Variants in MAP3K20 observed in about 807,000 individuals in gnomAD.
MAP3K20 encodes mitogen-activated protein kinase kinase kinase 20.
MAP3K20 carries 40 observed loss-of-function variants against 85.7 expected under a neutral mutation model. The ratio of observed to expected loss-of-function variants is 0.47; its 90% confidence interval spans 0.36 to 0.61. The LOEUF (loss-of-function observed/expected upper bound fraction) is 0.61. Ranked by LOEUF, MAP3K20 falls within the 20% of genes least tolerant of loss-of-function variation. MAP3K20 has a pLI of 0.00. For synonymous variants in MAP3K20, 325 were observed against 327.7 expected (o/e 0.99, Z 0.09); for missense variants, 817 against 961.7 (o/e 0.85, Z 1.99).
Position 173,266,767 on chromosome 2 carries a change from G to C in MAP3K20, c.*17G>C. On this transcript the variant is annotated 3_prime_UTR_variant, in exon 20 of 20. Coordinates refer to ENST00000375213, the MANE Select transcript of MAP3K20 (RefSeq NM_016653.3). Reference sequence around the variant, plus strand: ...AACTTTTGATGAATTGAACTACATAGCTTTTCTAAGCAGGTTAAAAAAAAA... The same window carrying C: ...AACTTTTGATGAATTGAACTACATACCTTTTCTAAGCAGGTTAAAAAAAAA... The C allele has an allele frequency of 8.6e-7, 1 of 1,158,186 alleles. No homozygotes were observed. The highest frequency in any genetic ancestry group is 1.2e-6 in the Non-Finnish European group (1 of 864,896). The allele number at this position is 1,158,186 out of a possible 1,614,324, so 71.7% of individuals were successfully genotyped here.
At chr2:173,131,734 G>A (rs1394915047) in intron 2 of MAP3K20, among the ~76,000 whole-genome samples, 1 of 152,198 alleles carries the variant, frequency 6.6e-6, no homozygotes, top group Non-Finnish European at 1.5e-5. Flanking sequence ...AGTTCTCTAA[G>A]GGTCTGCTCA....
At chr2:173,134,412 A>ATTTTTTT (rs1559246011) in intron 2 of MAP3K20, among the ~76,000 whole-genome samples, 2 of 5,656 alleles carry the variant, frequency 3.5e-4, no homozygotes, top group African/African-American at 5.8e-4. Context: ...ATATATATAT[A>ATTTTTTT]TATATATATA....
rs770373197 is a variant in MAP3K20 at position 173,191,033 on chromosome 2, T to C, written c.445-7T>C. On this transcript the variant is annotated splice_region_variant and splice_polypyrimidine_tract_variant and intron_variant, in intron 6 of 19. Coordinates refer to ENST00000375213, the MANE Select transcript of MAP3K20 (RefSeq NM_016653.3). ...TAGAAAGTTGACACTGATTCCTGTT[T>C]TCTCAGATCTGTGACTTTGGTGCCT... The C allele has an allele frequency of 1.2e-6, 2 of 1,613,416 alleles. No individual in the cohort carries two copies. Among genetic ancestry groups the C allele is most frequent in the African/African-American group, 2.7e-5 (2 of 74,908 alleles).
At chr2:173,255,252 G>T (rs1267713491) in intron 16 of MAP3K20, among the ~76,000 whole-genome samples, 3 of 152,142 alleles carry the variant, frequency 2.0e-5, no homozygotes, top group African/African-American at 7.2e-5. Context: ...CGAAATCTCT[G>T]GTCCTTCTTC....
In MAP3K20 at chr2:173,142,333, G is replaced by A. The variant is rs1438771221; in HGVS notation, c.160-27472G>A. On this transcript the variant is annotated intron_variant, in intron 2 of 19. Transcript: ENST00000375213. ...TAAAAATACCAAAAATAAGCCCGGCGTGGTGGTGGGTGCCTGTAGTCCCAC... is the reference window on the plus strand; with the variant it reads ...TAAAAATACCAAAAATAAGCCCGGCATGGTGGTGGGTGCCTGTAGTCCCAC... 3.3e-5 allele frequency among the ~76,000 whole-genome samples: 5 copies of A among 152,198 alleles called. No homozygotes were observed. In the South Asian group the frequency reaches 6.2e-4, roughly 19 times the overall value.
chr2:173,149,298 C>G (rs961745925), intron 2 of MAP3K20, among the ~76,000 whole-genome samples: 5 of 152,092 alleles, frequency 3.3e-5, no homozygotes, highest in African/African-American at 1.2e-4. Context: ...AGAGACATGA[C>G]AACTAAATGC....
chr2:173,093,285 C>G (rs1043740522), intron 2 of MAP3K20, among the ~76,000 whole-genome samples: 3 of 152,160 alleles, frequency 2.0e-5, no homozygotes, highest in Admixed American at 1.3e-4. Context: ...GATCCAGTTC[C>G]ATGTCACTTG....
At chr2:173,076,774 C>A (rs1686875386) in intron 1 of MAP3K20, among the ~76,000 whole-genome samples, 1 of 152,230 alleles carries the variant, frequency 6.6e-6, no homozygotes, top group Admixed American at 6.5e-5. Flanking sequence ...CCTTTGGCGA[C>A]CCTCAGGCAG....
chr2:173,109,130 C>G (rs1045813083), intron 2 of MAP3K20, among the ~76,000 whole-genome samples: 1 of 152,186 alleles, frequency 6.6e-6, no homozygotes, highest in Non-Finnish European at 1.5e-5. Flanking sequence ...TCATGAAGCT[C>G]AGCAGATACG....
intron 19 of MAP3K20, among the ~76,000 whole-genome samples, chr2:173,264,918 A>C (rs989851678): frequency 6.6e-6 from 1 of 152,192 alleles, no homozygotes; most frequent in African/African-American, 2.4e-5. Context: ...CAGTGTTGCA[A>C]GATGAAACAG....
chr2:173,195,101 A>T (rs1379684409), intron 7 of MAP3K20, among the ~76,000 whole-genome samples: 3 of 150,842 alleles, frequency 2.0e-5, no homozygotes, highest in Non-Finnish European at 4.4e-5. Flanking sequence ...AACCTGGAAG[A>T]GTGTTTAGTA....
intron 15 of MAP3K20, 92 bp downstream of exon 15, chr2:173,238,527 G>A: frequency 8.3e-7 from 1 of 1,200,100 alleles, no homozygotes; most frequent in South Asian, 1.4e-5. Flanking sequence ...TGTCAGTAAT[G>A]GTTGTTTGAA....
intron 11 of MAP3K20, chr2:173,225,142 C>T: frequency 1.0e-6 from 1 of 984,818 alleles, no homozygotes. Context: ...CCTCCCTAGT[C>T]ATTCTCAACT....
intron 11 of MAP3K20, chr2:173,222,963 G>A: frequency 1.0e-6 from 1 of 985,376 alleles, no homozygotes; most frequent in South Asian, 4.7e-5. Context: ...TTATTTGACT[G>A]TTAAACCAAA....
At chr2:173,170,960 G>A (rs1475047949) in intron 3 of MAP3K20, among the ~76,000 whole-genome samples, 1 of 152,186 alleles carries the variant, frequency 6.6e-6, no homozygotes, top group Non-Finnish European at 1.5e-5. Flanking sequence ...CATGGTTACT[G>A]TTATACCATC....
intron 2 of MAP3K20, among the ~76,000 whole-genome samples, chr2:173,095,867 G>C (rs892210531): frequency 6.6e-6 from 1 of 152,140 alleles, no homozygotes; most frequent in Non-Finnish European, 1.5e-5. Flanking sequence ...TTTTGTGTCT[G>C]TATGGTGCTT....
chr2:173,076,167 C>CCGG (rs1050164462), intron 1 of MAP3K20, among the ~76,000 whole-genome samples, 165 bp downstream of exon 1: 15 of 151,310 alleles, frequency 9.9e-5, no homozygotes, highest in South Asian at 8.3e-4. Context: ...CAGGGCCCGC[C>CCGG]CGGCGGCGGC....
chr2:173,134,641 G>A (rs951746544), intron 2 of MAP3K20, among the ~76,000 whole-genome samples: 4 of 150,600 alleles, frequency 2.7e-5, no homozygotes, highest in African/African-American at 9.8e-5. Context: ...TTTTAGTACT[G>A]TCCTCTGGAG....
chr2:173,258,557 T>C, intron 16 of MAP3K20, 142 bp from the exon 17 acceptor site: 1 of 585,700 alleles, frequency 1.7e-6, no homozygotes, highest in Non-Finnish European at 3.0e-6. Flanking sequence ...TCTAATTTCA[T>C]GTCCTTTTAT....
Sources: gnomAD v4.1 joint callset for allele counts (sites outside exome capture counted in the v4.1 genomes callset) on GRCh38, gnomAD v4.1.1 for gene constraint, MANE v1.5 for transcripts, NCBI Gene and HGNC (gene_info 2026-07-23, HGNC 2026-07-21) for gene names.